The following PKD2 variants were observed in gnomAD, a reference collection of about 807,000 sequenced individuals.
PKD2 encodes the protein polycystin 2, transient receptor potential cation channel.
A neutral mutation model predicts 105.9 loss-of-function variants in PKD2; 48 were observed. The observed-to-expected ratio is 0.45, with a 90% CI of 0.36 to 0.58. PKD2 has a LOEUF of 0.58. Among genes scored for constraint, PKD2 ranks in the 20% least tolerant of loss-of-function variants. PKD2 has a pLI of 0.00. For missense variants in PKD2, 1,078 were observed against 1,255.3 expected (o/e 0.86, Z 2.13); for synonymous variants, 464 against 481.1 (o/e 0.96, Z 0.46).
intron 1 of PKD2, among the ~76,000 whole-genome samples, chr4:88,016,052 A>C: frequency 6.6e-6 from 1 of 152,152 alleles, no homozygotes; most frequent in Non-Finnish European, 1.5e-5. Flanking sequence ...GATTCTTCAC[A>C]TGCGCAGTTC....
At position 88,008,049 on chromosome 4, in the gene PKD2, G is replaced by A; in HGVS notation, c.316G>A (p.Glu106Lys). ...GGAGGAGGAGGAGGAGGTGGAAGGGGAAGAAGGCGGAATGGTGGTGGAGAT... is the reference window on the plus strand; with the variant it reads ...GGAGGAGGAGGAGGAGGTGGAAGGGAAAGAAGGCGGAATGGTGGTGGAGAT... ...AEEEEEEVEG[E>K]EGGMVVEMDV... is the part of the protein sequence containing the mutation. The change falls in exon 1 of 15, where the codon GAA (glutamate) becomes AAA (lysine). Residue 106 changes from glutamate (E) to lysine (K), a missense_variant. Physicochemically the swap from Glu to Lys is moderately conservative, Grantham distance 56. Around this residue, in one of 2 missense-constraint regions of PKD2, gnomAD observed 210 missense variants for 187.9 expected, o/e 1.12. Transcript: ENST00000237596. The A allele has an allele frequency of 6.6e-7, 1 of 1,521,742 alleles. No homozygotes were observed. Among genetic ancestry groups the A allele is most frequent in the Non-Finnish European group, 8.8e-7 (1 of 1,139,648 alleles). 94.3% of individuals were successfully genotyped at this position (1,521,742 alleles called of 1,614,324 possible).
intron 2 of PKD2, chr4:88,036,013 A>T: frequency 1.5e-6 from 1 of 688,348 alleles, no homozygotes; most frequent in Non-Finnish European, 2.5e-6. Context: ...AGCCAATATT[A>T]ATATTACGTA....
Position 88,033,910 on chromosome 4 carries a change from G to A in PKD2, c.710-2310G>A, listed in dbSNP as rs534683129. On this transcript the variant is annotated intron_variant, in intron 2 of 14. Coordinates refer to ENST00000237596, the MANE Select transcript of PKD2 (RefSeq NM_000297.4). ...CTCGATTGGCTATAGACTTACAGAC[G>A]GCTTTTGCAGAGGACAGTGTACTCA... 6.6e-5 allele frequency among the ~76,000 whole-genome samples: 10 copies of A among 152,220 alleles called. No homozygotes were observed. In the East Asian group the frequency reaches 7.7e-4, roughly 12 times the overall value.
At chr4:88,054,650 C>CTTTTTT (rs1184325520) in intron 7 of PKD2, among the ~76,000 whole-genome samples, 7 of 81,350 alleles carry the variant, frequency 8.6e-5, no homozygotes, top group South Asian at 3.8e-4. Flanking sequence ...CATGACTCTA[C>CTTTTTT]TTTTTTTTTT....
At chr4:88,034,436 A>T (rs1405284475) in intron 2 of PKD2, among the ~76,000 whole-genome samples, 2 of 152,116 alleles carry the variant, frequency 1.3e-5, no homozygotes, top group Non-Finnish European at 2.9e-5. Flanking sequence ...TGGGAGGCTG[A>T]GGTGGGAGCA....
chr4:88,040,404 T>C (rs1433843505), intron 4 of PKD2, among the ~76,000 whole-genome samples: 2 of 152,212 alleles, frequency 1.3e-5, no homozygotes, highest in African/African-American at 2.4e-5. Flanking sequence ...CTAATAAATA[T>C]GTGCTGGATG....
chr4:88,074,990 C>A, intron 14 of PKD2, 31 bp downstream of exon 14: 1 of 1,606,708 alleles, frequency 6.2e-7, no homozygotes, highest in Non-Finnish European at 8.5e-7. Context: ...AACACCGCTG[C>A]TGAGCATGGT....
chr4:88,008,055 G>A lies in PKD2; in HGVS notation c.322G>A (p.Gly108Ser), dbSNP rs899200591. 3 of 1,521,816 alleles carry A rather than the reference G, an allele frequency of 2.0e-6. No individual in the cohort carries two copies. Among genetic ancestry groups the A allele is most frequent in the Non-Finnish European group, 2.6e-6 (3 of 1,139,772 alleles). The allele number at this position is 1,521,816 out of a possible 1,614,324, so 94.3% of individuals were successfully genotyped here. ...GGAGGAGGAGGTGGAAGGGGAAGAA[G>A]GCGGAATGGTGGTGGAGATGGACGT... ...EEEEEVEGEE[G>S]GMVVEMDVEW... The change falls in exon 1 of 15, where the codon GGC (glycine) becomes AGC (serine). Residue 108 changes from glycine to serine, a missense_variant. Transcript: ENST00000237596.
At chr4:88,039,510 C>A (rs1318696074) in intron 4 of PKD2, among the ~76,000 whole-genome samples, 2 of 151,756 alleles carry the variant, frequency 1.3e-5, no homozygotes. Context: ...ACTAAAAATA[C>A]AAAAATTAGC....
chr4:88,070,578 A>T (rs200204904), intron 13 of PKD2, among the ~76,000 whole-genome samples: 53 of 72,562 alleles, frequency 7.3e-4, no homozygotes, highest in African/African-American at 8.8e-4. Flanking sequence ...TTTATTTTAT[A>T]TATATATATA....
chr4:88,045,750 CA>C (rs1262958534), intron 5 of PKD2, among the ~76,000 whole-genome samples: 1 of 151,582 alleles, frequency 6.6e-6, no homozygotes, highest in Non-Finnish European at 1.5e-5. Flanking sequence ...ATGTTTTAGA[CA>C]ATCAGACATC....
In PKD2 at chr4:88,007,873, G is replaced by T; in HGVS notation, c.140G>T (p.Cys47Phe). The T allele has an allele frequency of 7.8e-7, 1 of 1,280,538 alleles. No individual in the cohort carries two copies. The highest frequency in any genetic ancestry group is 9.9e-7 in the Non-Finnish European group (1 of 1,011,820). The allele number at this position is 1,280,538 out of a possible 1,614,324, so 79.3% of individuals were successfully genotyped here. The change falls in exon 1 of 15, where the codon TGC becomes TTC. Residue 47 changes from cysteine to phenylalanine, a missense_variant. Cys to Phe is a radical substitution (Grantham distance 205, BLOSUM62 -2). Coordinates refer to ENST00000237596, the MANE Select transcript of PKD2 (RefSeq NM_000297.4). ...AGCCTCGCCGCCCCGGGCGGCCTCT[G>T]CGAGCAGCGGGGCCTGGAGATCGAG... is the stretch of plus-strand genomic sequence containing the variant. Reference protein sequence around the residue: ...GASLAAPGGLCEQRGLEIEMQ... With the variant: ...GASLAAPGGLFEQRGLEIEMQ...
intron 2 of PKD2, among the ~76,000 whole-genome samples, chr4:88,020,572 G>A (rs986066199): frequency 1.3e-4 from 19 of 151,978 alleles, no homozygotes; most frequent in African/African-American, 4.4e-4. Context: ...ATCAAAGGGC[G>A]TTCGATGATG....
chr4:88,057,436 CTTTTT>C (rs770879919), intron 8 of PKD2, among the ~76,000 whole-genome samples: 1 of 134,362 alleles, frequency 7.4e-6, no homozygotes. Flanking sequence ...ATTGTATTTT[CTTTTT>C]TTTTTTTTTT....
rs1233192843 is a variant in PKD2, at chr4:88,075,755, T to TAA, written c.*62_*63dup. 8.6e-7 allele frequency: 1 copy of TAA among 1,162,580 alleles called. No homozygotes were observed. The highest frequency in any genetic ancestry group is 1.3e-6 in the Non-Finnish European group (1 of 778,144). 72.0% of individuals were successfully genotyped at this position (1,162,580 alleles called of 1,614,324 possible). A position where few individuals can be genotyped will look rare whatever the true frequency, so the allele number is the denominator to read the frequency against. ...AGGAAGTGGCTGTCCTGAATTGCTG[T>TAA]AACAAGCACACTATTTATATGCCCT... On this transcript the variant is annotated 3_prime_UTR_variant, in exon 15 of 15. Transcript: ENST00000237596.
At chr4:88,033,270 T>C (rs951625082) in intron 2 of PKD2, among the ~76,000 whole-genome samples, 15 of 151,864 alleles carry the variant, frequency 9.9e-5, no homozygotes, top group Non-Finnish European at 1.8e-4. Flanking sequence ...CTACAAAAAA[T>C]TTGAAAATTA....
intron 1 of PKD2, among the ~76,000 whole-genome samples, chr4:88,019,000 G>T (rs1377729243): frequency 6.6e-6 from 1 of 152,058 alleles, no homozygotes; most frequent in African/African-American, 2.4e-5. Flanking sequence ...TTTTCATCAG[G>T]GGTGACCTAA....
chr4:88,054,638 A>T (rs1720251249), intron 7 of PKD2, among the ~76,000 whole-genome samples: 1 of 142,692 alleles, frequency 7.0e-6, no homozygotes, highest in African/African-American at 2.7e-5. Flanking sequence ...TAAGGCAGGG[A>T]TCATGACTCT....
chr4:88,059,056 T>C (rs912205826), intron 9 of PKD2, among the ~76,000 whole-genome samples: 1 of 152,200 alleles, frequency 6.6e-6, no homozygotes, highest in Non-Finnish European at 1.5e-5. Context: ...GTAATAACTC[T>C]AAAGTCAGTC....
Sources: allele counts gnomAD v4.1 joint callset (sites outside exome capture counted in the v4.1 genomes callset), GRCh38; gene constraint gnomAD v4.1.1; regional missense constraint gnomAD v4.1.1; transcripts MANE v1.5; gene names NCBI Gene and HGNC (gene_info 2026-07-23, HGNC 2026-07-21).